The following PKN3 variants were observed in gnomAD, a reference collection of about 807,000 sequenced individuals.
PKN3 encodes the protein serine/threonine-protein kinase N3.
In PKN3, 91 loss-of-function variants were observed where a neutral mutation model predicts 113.1. That is an observed-to-expected ratio of 0.80 (90% CI 0.68 to 0.96). The LOEUF is 0.96. Among genes scored for constraint, PKN3 ranks in the 40% least tolerant of loss-of-function variants. The probability of loss-of-function intolerance (pLI) is 0.00; values close to 1 mark genes in which losing one functional copy is unlikely to be tolerated. For synonymous variants in PKN3, 467 were observed against 499.0 expected (o/e 0.94, Z 0.85); for missense variants, 1,052 against 1,202.2 (o/e 0.88, Z 1.85).
intron 18 of PKN3, among the ~76,000 whole-genome samples, 161 bp from the exon 19 acceptor site, chr9:128,719,525 G>A (rs997160044): frequency 6.6e-6 from 1 of 152,126 alleles, no homozygotes; most frequent in Non-Finnish European, 1.5e-5. Context: ...TGTGAGCTTG[G>A]CTCTGCATGC....
intron 16 of PKN3, among the ~76,000 whole-genome samples, chr9:128,717,708 T>C (rs183081452): frequency 0.01 from 1,076 of 105,946 alleles, 12 homozygotes; most frequent in African/African-American, 0.032. Flanking sequence ...GGCGACAGAG[T>C]GAGACTCCAT....
At position 128,718,462 on chromosome 9, in the gene PKN3, C is replaced by T; in HGVS notation, c.2048+75C>T. ...GAGTGGGTAAGGACAGATGCTGCCT[C>T]CGCCTGCCTGGGCTGCTCCAGGGGC... On this transcript the variant is annotated intron_variant, in intron 17 of 21. Coordinates refer to ENST00000291906, the MANE Select transcript of PKN3 (RefSeq NM_013355.5). 5 of 1,582,894 alleles carry T rather than the reference C, an allele frequency of 3.2e-6. No homozygotes were observed. In the South Asian group the frequency reaches 4.4e-5, roughly 14 times the overall value.
Position 128,714,116 on chromosome 9 carries a change from G to A in PKN3, c.1307G>A (p.Arg436His), listed in dbSNP as rs200438464. 3.7e-6 allele frequency: 6 copies of A among 1,614,080 alleles called. No individual in the cohort carries two copies. Among genetic ancestry groups the A allele is most frequent in the East Asian group, 4.5e-5 (2 of 44,884 alleles). ...AGGCAGGAACGCATCTTCTCTAAAC[G>A]CAGAGGTGTGGAGGGAATGGGGGCT... Reference protein sequence around the residue: ...LQRQERIFSKRRGQDFLRASQ... With the variant: ...LQRQERIFSKHRGQDFLRASQ... Residue 436 changes from arginine (R) to histidine (H), a missense_variant, in exon 10 of 22, where the codon CGC (arginine) becomes CAC (histidine). By Grantham distance (29) the Arg-to-His change is conservative (BLOSUM62 0). Coordinates refer to ENST00000291906, the MANE Select transcript of PKN3 (RefSeq NM_013355.5).
chr9:128,718,073 G>T (rs1314713072), intron 16 of PKN3, among the ~76,000 whole-genome samples: 1 of 151,772 alleles, frequency 6.6e-6, no homozygotes. Flanking sequence ...ATCCACTGCA[G>T]GGACCAACAC....
Position 128,720,552 on chromosome 9 carries a change from A to T in PKN3, c.2616A>T (p.Gln872His), listed in dbSNP as rs1862508729. 1 of 1,613,388 alleles carries T rather than the reference A, an allele frequency of 6.2e-7. No homozygotes were observed. Among genetic ancestry groups the T allele is most frequent in the African/African-American group, 1.3e-5 (1 of 74,908 alleles). Reference protein sequence around the residue: ...PAPHSLLTARQQAAFRDFDFV... With the variant: ...PAPHSLLTARHQAAFRDFDFV... ...CCCACAGCCTCCTCACTGCCCGCCA[A>T]CAGGCCGCCTTCCGGGACTTCGACT... The change falls in exon 22 of 22, where the codon CAA (glutamine) becomes CAT (histidine). Residue 872 changes from glutamine (Q) to histidine (H), a missense_variant. By Grantham distance (24) the Gln-to-His change is conservative (BLOSUM62 0). This residue lies in a region of PKN3 where 333 missense variants were observed against 442.8 expected (regional missense o/e 0.75). Transcript: ENST00000291906. This position sits in a 1 kb window ranked among gnomAD's most constrained non-coding sequence, Gnocchi z 5.5.
At chr9:128,719,197 C>CT (rs200029399) in intron 18 of PKN3, among the ~76,000 whole-genome samples, 1,645 of 139,764 alleles carry the variant, frequency 0.012, 21 homozygotes, top group East Asian at 0.046. Context: ...CGCCCGGCTT[C>CT]TTTTTTTTTT....
intron 18 of PKN3, 120 bp downstream of exon 18, chr9:128,718,745 C>T (rs976747134): frequency 1.1e-6 from 1 of 881,588 alleles, no homozygotes; most frequent in Non-Finnish European, 1.9e-6. Context: ...CTGGTTCCAC[C>T]ACCCCAGACC....
intron 1 of PKN3, chr9:128,703,808 C>T (rs1589473309): frequency 3.0e-6 from 3 of 985,436 alleles, no homozygotes; most frequent in African/African-American, 3.5e-5. Context: ...CCCCCTCCCA[C>T]CCCCTTCCTC....
Position 128,709,291 on chromosome 9 carries a change from AAT to A in PKN3, c.835+1888_835+1889del, listed in dbSNP as rs1334148289. Among the ~76,000 whole-genome samples, 61 of 43,986 alleles carry A rather than the reference AAT, an allele frequency of 1.4e-3. 9 individuals are homozygous for A. Among genetic ancestry groups the A allele is most frequent in the Non-Finnish European group, 1.6e-3 (18 of 11,604 alleles). The allele number at this position is 43,986 out of a possible 152,430, so 28.9% of individuals were successfully genotyped here. A position where few individuals can be genotyped will look rare whatever the true frequency, so the allele number is the denominator to read the frequency against. ...ACAGCGAGACTCTGTCTCAAAAAAA[AAT>A]AAAAAAATAAAAAAATTAGCCAGGT... On this transcript the variant is annotated intron_variant, in intron 6 of 21. Coordinates refer to ENST00000291906, the MANE Select transcript of PKN3 (RefSeq NM_013355.5).
intron 1 of PKN3, 50 bp from the exon 2 acceptor site, chr9:128,705,253 G>A (rs976385200): frequency 1.6e-5 from 24 of 1,544,924 alleles, no homozygotes; most frequent in Middle Eastern, 1.7e-4. Flanking sequence ...GCTGGTGGCC[G>A]CTGCACCCCA....
intron 5 of PKN3, 56 bp from the exon 6 acceptor site, chr9:128,707,166 C>A: frequency 6.3e-7 from 1 of 1,577,672 alleles, no homozygotes; most frequent in Non-Finnish European, 8.7e-7. Flanking sequence ...GTGACCTGGG[C>A]TGCTGCCCCC....
chr9:128,703,610 G>A, intron 1 of PKN3: 2 of 985,438 alleles, frequency 2.0e-6, no homozygotes, highest in Admixed American at 6.1e-5. Flanking sequence ...GGAGCGAGTG[G>A]TTGGGAGGGG....
intron 18 of PKN3, among the ~76,000 whole-genome samples, chr9:128,719,023 G>C (rs1862436229): frequency 6.6e-6 from 1 of 151,392 alleles, no homozygotes; most frequent in East Asian, 1.9e-4. Flanking sequence ...AGCAGCCCAA[G>C]TAGCTGGGAC....
Position 128,703,917 on chromosome 9 carries a change from G to A in PKN3, c.24+978G>A, listed in dbSNP as rs1589473452. The A allele has an allele frequency of 5.1e-6, 5 of 985,356 alleles. No individual in the cohort carries two copies. The Admixed American group carries it at 2.5e-4, about 48-fold the overall frequency. The allele number at this position is 985,356 out of a possible 1,614,324, so 61.0% of individuals were successfully genotyped here. A position where few individuals can be genotyped will look rare whatever the true frequency, so the allele number is the denominator to read the frequency against. ...CGGCAGCTGGGTGACTCAGGACCCC[G>A]GTGGCCGGGCCCCCAGCTCCATGGG... On this transcript the variant is annotated intron_variant, in intron 1 of 21. Transcript: ENST00000291906.
In PKN3 at chr9:128,718,621, G is replaced by A. The variant is rs759692226; in HGVS notation, c.2121G>A (p.Lys707=). Residue 707 remains lysine, a synonymous_variant, in exon 18 of 22, where the codon AAG becomes AAA. Transcript: ENST00000291906. ...FLKIADFGLC[K]EGIGFGDRTS... Reference sequence around the variant, plus strand: ...AGATCGCAGACTTTGGACTCTGCAAGGAAGGTGGGGGCCGCCCATTGGGAT... The same window carrying A: ...AGATCGCAGACTTTGGACTCTGCAAAGAAGGTGGGGGCCGCCCATTGGGAT... The A allele has an allele frequency of 1.4e-4, 234 of 1,613,836 alleles. No homozygotes were observed. Among genetic ancestry groups the A allele is most frequent in the Non-Finnish European group, 1.4e-4 (170 of 1,179,948 alleles).
At chr9:128,713,713 G>A (rs1463505693) in intron 9 of PKN3, 71 bp downstream of exon 9, 49 of 1,461,602 alleles carry the variant, frequency 3.4e-5, no homozygotes, top group East Asian at 1.8e-4. Context: ...CTTCAAGACC[G>A]ATGCACTGCG....
chr9:128,715,434 G>A lies in PKN3; in HGVS notation c.1782G>A (p.Glu594=). The stretch of plus-strand genomic sequence containing the variant: ...CCATCAAAGCACTGAAGAAGCAGGA[G>A]GTGCTCAGCCGGGACGAGATAGAGA... ...YYAIKALKKQ[E]VLSRDEIESL... is the part of the protein sequence containing the mutation. The change falls in exon 15 of 22, where the codon GAG becomes GAA. Residue 594 remains glutamate (E), a synonymous_variant. Transcript: ENST00000291906. This position sits in a 1 kb window ranked among gnomAD's most constrained non-coding sequence, Gnocchi z 4.1. 6.2e-7 allele frequency: 1 copy of A among 1,613,936 alleles called. No individual in the cohort carries two copies. Among genetic ancestry groups the A allele is most frequent in the Non-Finnish European group, 8.5e-7 (1 of 1,179,978 alleles).
chr9:128,713,741 AC>A, intron 9 of PKN3, 99 bp downstream of exon 9: 1 of 1,245,112 alleles, frequency 8.0e-7, no homozygotes, highest in Non-Finnish European at 1.1e-6. Context: ...GCAGAGACTG[AC>A]GACCAGAGAG....
Position 128,707,296 on chromosome 9 carries a change from A to G in PKN3, c.726A>G (p.Gln242=). 3 of 1,613,832 alleles carry G rather than the reference A, an allele frequency of 1.9e-6. 1 individual carries two copies. The highest frequency in any genetic ancestry group is 2.2e-5 in the South Asian group (2 of 91,068). ...LRLALEQLLE[Q]LPPAHPLRSR... is the part of the protein sequence containing the mutation. ...TGGCCTTGGAGCAGCTGCTGGAGCA[A>G]CTGCCTCCTGCCCACCCTTTGCGCA... The change falls in exon 6 of 22, where the codon CAA becomes CAG. Residue 242 remains glutamine, a synonymous_variant. Coordinates refer to ENST00000291906, the MANE Select transcript of PKN3 (RefSeq NM_013355.5).
Sources: allele counts gnomAD v4.1 joint callset (sites outside exome capture counted in the v4.1 genomes callset), GRCh38; gene constraint gnomAD v4.1.1; regional missense constraint gnomAD v4.1.1; non-coding constraint Gnocchi (gnomAD v3.1); transcripts MANE v1.5; gene names NCBI Gene and HGNC (gene_info 2026-07-23, HGNC 2026-07-21).